LAMA2: variants seen among roughly 807,000 people sequenced by gnomAD.
LAMA2 encodes the protein laminin subunit alpha 2.
LAMA2 carries 269 observed loss-of-function variants against 364.8 expected under a neutral mutation model. The observed-to-expected ratio is 0.74, with a 90% CI of 0.67 to 0.82. The LOEUF is 0.82. LAMA2 is among the 40% of genes least tolerant of loss of function. The probability of loss-of-function intolerance (pLI) is 0.00; values close to 1 mark genes in which losing one functional copy is unlikely to be tolerated. For synonymous variants in LAMA2, 1,379 were observed against 1,370.6 expected (o/e 1.01, Z -0.14); for missense variants, 3,807 against 3,873.2 (o/e 0.98, Z 0.45).
intron 20 of LAMA2, among the ~76,000 whole-genome samples, chr6:129,292,622 T>C (rs533212459): frequency 2.6e-5 from 4 of 152,362 alleles, no homozygotes; most frequent in Admixed American, 2.6e-4. Flanking sequence ...ACAGATTTGC[T>C]CTAGCGCTTT....
At chr6:129,124,191 G>A (rs1776974762) in intron 4 of LAMA2, among the ~76,000 whole-genome samples, 2 of 152,098 alleles carry the variant, frequency 1.3e-5, no homozygotes, top group East Asian at 1.9e-4. Flanking sequence ...AAAAGCTTAG[G>A]CCTAAATTCA....
At chr6:129,380,692 A>C (rs1778633982) in intron 34 of LAMA2, among the ~76,000 whole-genome samples, 1 of 152,212 alleles carries the variant, frequency 6.6e-6, no homozygotes, top group South Asian at 2.1e-4. Flanking sequence ...GGATACAAGA[A>C]GGTGCTAAGA....
At chr6:128,981,938 G>C (rs904587104) in intron 1 of LAMA2, among the ~76,000 whole-genome samples, 1 of 152,042 alleles carries the variant, frequency 6.6e-6, no homozygotes, top group Admixed American at 6.6e-5. Context: ...TACTCAGTTA[G>C]GCACCCAACC....
At chr6:128,981,600 A>C (rs983435864) in intron 1 of LAMA2, among the ~76,000 whole-genome samples, 1 of 145,744 alleles carries the variant, frequency 6.9e-6, no homozygotes, top group Admixed American at 6.8e-5. Context: ...AAAAAAAAAA[A>C]AATTGCTGGG....
intron 41 of LAMA2, among the ~76,000 whole-genome samples, chr6:129,431,262 G>A (rs1781575065): frequency 6.6e-6 from 1 of 152,006 alleles, no homozygotes; most frequent in Admixed American, 6.6e-5. Flanking sequence ...AGCTGGGCAT[G>A]GTGGTGGGTG....
intron 12 of LAMA2, among the ~76,000 whole-genome samples, chr6:129,230,945 C>T (rs753322975): frequency 1.2e-4 from 19 of 152,056 alleles, no homozygotes; most frequent in Non-Finnish European, 1.0e-4. Context: ...TAGGACTATA[C>T]AAGGCCTTAG....
chr6:129,139,989 A>G (rs1778026077), intron 4 of LAMA2, among the ~76,000 whole-genome samples: 1 of 152,136 alleles, frequency 6.6e-6, no homozygotes, highest in Non-Finnish European at 1.5e-5. Context: ...ATACTTATTC[A>G]TGATCTTTCA....
At position 129,464,384 on chromosome 6, in the gene LAMA2, A is replaced by C; in HGVS notation, c.7087A>C (p.Thr2363Pro). ...CATTCGCTGGTACCCCAACATCTCCACTGTCATGTTCAAGTTCAGAACATT... is the reference window on the plus strand; with the variant it reads ...CATTCGCTGGTACCCCAACATCTCCCCTGTCATGTTCAAGTTCAGAACATT... ...RPIRWYPNIS[T>P]VMFKFRTFSS... Residue 2363 changes from threonine (T) to proline (P), a missense_variant, in exon 50 of 65, where the codon ACT (threonine) becomes CCT (proline). Thr to Pro is a conservative substitution (Grantham distance 38). This residue lies in a region of LAMA2 where 3,333 missense variants were observed against 3,345.7 expected (regional missense o/e 1.00). Transcript: ENST00000421865. 6.2e-7 allele frequency: 1 copy of C among 1,611,888 alleles called. No homozygotes were observed. Among genetic ancestry groups the C allele is most frequent in the Non-Finnish European group, 8.5e-7 (1 of 1,178,356 alleles).
chr6:128,995,849 T>C (rs529506854), intron 1 of LAMA2, among the ~76,000 whole-genome samples: 1 of 152,336 alleles, frequency 6.6e-6, no homozygotes, highest in South Asian at 2.1e-4. Flanking sequence ...ATATACTGAT[T>C]TTTTGGTATA....
chr6:129,264,722 T>C (rs1308698492), intron 15 of LAMA2, among the ~76,000 whole-genome samples: 2 of 151,846 alleles, frequency 1.3e-5, no homozygotes, highest in African/African-American at 2.4e-5. Flanking sequence ...AGAAAAGAAA[T>C]TGTGGGAGGA....
chr6:129,362,445 A>G (rs1345148006), intron 32 of LAMA2, among the ~76,000 whole-genome samples: 1 of 151,870 alleles, frequency 6.6e-6, no homozygotes. Context: ...CTCTCCTAAC[A>G]TTCTACCTCC....
chr6:129,028,329 T>G (rs778834519), intron 1 of LAMA2, among the ~76,000 whole-genome samples: 2 of 110,792 alleles, frequency 1.8e-5, no homozygotes, highest in Non-Finnish European at 4.3e-5. Flanking sequence ...TCATTAAATA[T>G]GTCTTCAGTA....
At chr6:129,117,828 A>G (rs1776565826) in intron 4 of LAMA2, among the ~76,000 whole-genome samples, 1 of 152,190 alleles carries the variant, frequency 6.6e-6, no homozygotes, top group Non-Finnish European at 1.5e-5. Flanking sequence ...CTGATGGGCA[A>G]TATTACCTTG....
chr6:129,300,397 A>G (rs948981317), intron 21 of LAMA2, among the ~76,000 whole-genome samples: 1 of 152,194 alleles, frequency 6.6e-6, no homozygotes, highest in Non-Finnish European at 1.5e-5. Context: ...TACAAACAAA[A>G]TAGTAAACTT....
rs776304369 is a variant in LAMA2 at position 129,393,017 on chromosome 6, T to C, written c.5235-28T>C. 120 of 1,584,540 alleles carry C rather than the reference T, an allele frequency of 7.6e-5. 3 individuals are homozygous for C. In the South Asian group the frequency reaches 1.3e-3, roughly 17 times the overall value. On this transcript the variant is annotated intron_variant, in intron 36 of 64. Coordinates refer to ENST00000421865, the MANE Select transcript of LAMA2 (RefSeq NM_000426.4). Reference sequence around the variant, plus strand: ...CTAAGGCAGTGACATGAGCTCATTGTCTATTATTGGGCTGGGGGTGGTTAC... The same window carrying C: ...CTAAGGCAGTGACATGAGCTCATTGCCTATTATTGGGCTGGGGGTGGTTAC...
chr6:128,974,693 G>A (rs12211283), intron 1 of LAMA2, among the ~76,000 whole-genome samples: 15,418 of 152,118 alleles, frequency 0.1, 954 homozygotes, highest in East Asian at 0.17. Context: ...GTGGAAATGA[G>A]CCTGTGGGTT....
chr6:128,959,904 T>C (rs1781372075), intron 1 of LAMA2, among the ~76,000 whole-genome samples: 1 of 151,944 alleles, frequency 6.6e-6, no homozygotes, highest in South Asian at 2.1e-4. Context: ...AAAACTTTTC[T>C]AAATTAATAA....
intron 36 of LAMA2, among the ~76,000 whole-genome samples, 191 bp downstream of exon 36, chr6:129,391,844 T>C (rs1193734382): frequency 6.6e-6 from 1 of 152,218 alleles, no homozygotes; most frequent in Non-Finnish European, 1.5e-5. Flanking sequence ...CTATTATTTA[T>C]TCATTTACTT....
At chr6:129,481,076 GA>G (rs1784322398) in intron 54 of LAMA2, among the ~76,000 whole-genome samples, 186 bp from the exon 55 acceptor site, 1 of 152,172 alleles carries the variant, frequency 6.6e-6, no homozygotes, top group Non-Finnish European at 1.5e-5. Context: ...CAGAAGATTT[GA>G]AGTTATCATA....
Sources: allele counts gnomAD v4.1 joint callset (sites outside exome capture counted in the v4.1 genomes callset), GRCh38; gene constraint gnomAD v4.1.1; regional missense constraint gnomAD v4.1.1; transcripts MANE v1.5; gene names NCBI Gene and HGNC (gene_info 2026-07-23, HGNC 2026-07-21).